The following PARP8 variants were observed in gnomAD, a reference collection of about 807,000 sequenced individuals.
PARP8 encodes the protein poly(ADP-ribose) polymerase family member 8, also known as protein mono-ADP-ribosyltransferase PARP8.
A neutral mutation model predicts 124.1 loss-of-function variants in PARP8; 51 were observed. That is an observed-to-expected ratio of 0.41 (90% CI 0.33 to 0.52). PARP8 has a LOEUF of 0.52. Ranked by LOEUF, PARP8 falls within the 20% of genes least tolerant of loss-of-function variation. The pLI, the probability that PARP8 is intolerant of heterozygous loss-of-function variation, is 0.21. For synonymous variants in PARP8, 391 were observed against 361.5 expected, an observed-to-expected ratio of 1.08 and a Z score of -0.93; for missense variants, 860 against 1,018.9, an observed-to-expected ratio of 0.84 and a Z score of 2.12.
intron 2 of PARP8, among the ~76,000 whole-genome samples, chr5:50,749,431 G>A (rs1338690329): frequency 1.3e-5 from 2 of 151,806 alleles, no homozygotes; most frequent in African/African-American, 2.4e-5. Flanking sequence ...CATGGGGCTT[G>A]CTATCTAGTT....
intron 10 of PARP8, 60 bp from the exon 11 acceptor site, chr5:50,794,147 A>G (rs1199442947): frequency 3.3e-6 from 5 of 1,537,270 alleles, no homozygotes; most frequent in Admixed American, 1.8e-5. Context: ...TAATAAATAC[A>G]GTAACATTAA....
chr5:50,749,406 C>T (rs907260268), intron 2 of PARP8, among the ~76,000 whole-genome samples: 10 of 151,662 alleles, frequency 6.6e-5, no homozygotes, highest in African/African-American at 9.7e-5. Context: ...TATAAATAGA[C>T]GTAGATCTTA....
At chr5:50,676,406 T>C (rs564290218) in intron 2 of PARP8, among the ~76,000 whole-genome samples, 1 of 152,368 alleles carries the variant, frequency 6.6e-6, no homozygotes, top group African/African-American at 2.4e-5. Context: ...TCTCTGGTTC[T>C]CTCACTCTCT....
chr5:50,691,784 C>A (rs1239388525), intron 2 of PARP8, among the ~76,000 whole-genome samples: 1 of 152,154 alleles, frequency 6.6e-6, no homozygotes, highest in African/African-American at 2.4e-5. Flanking sequence ...AACTCGTCAT[C>A]TACTCACCTT....
chr5:50,828,700 C>A (rs1287320036), intron 21 of PARP8, among the ~76,000 whole-genome samples: 1 of 151,240 alleles, frequency 6.6e-6, no homozygotes, highest in Non-Finnish European at 1.5e-5. Flanking sequence ...GCCAACATGG[C>A]AAAACCCTGT....
rs749148898 is a variant in PARP8 at position 50,763,141 on chromosome 5, T to C, written c.424-7T>C. 3.1e-6 allele frequency: 5 copies of C among 1,604,836 alleles called. No individual in the cohort carries two copies. Among genetic ancestry groups the C allele is most frequent in the Non-Finnish European group, 4.3e-6 (5 of 1,171,742 alleles). On this transcript the variant is annotated splice_polypyrimidine_tract_variant and splice_region_variant and intron_variant, in intron 6 of 25. Coordinates refer to ENST00000281631, the MANE Select transcript of PARP8 (RefSeq NM_024615.4). Reference sequence around the variant, plus strand: ...TGAGACACTTTTAAATTATCCCTTTTCATCAGGTGAACTATGATGGGGAAC... The same window carrying C: ...TGAGACACTTTTAAATTATCCCTTTCCATCAGGTGAACTATGATGGGGAAC...
rs1746532334 is a variant in PARP8 at position 50,828,007 on chromosome 5, T to A, written c.2041T>A (p.Ser681Thr). The A allele has an allele frequency of 6.2e-7, 1 of 1,613,830 alleles. No homozygotes were observed. ...LLLSSPPAKE[S>T]NFRAAKKLFG... ...TCTCAGCAGTCCACCAGCCAAAGAA[T>A]CCAATTTTAGAGCTGCTAAAAAACT... Residue 681 changes from serine to threonine, a missense_variant, in exon 20 of 26, where the codon TCC (serine) becomes ACC (threonine). Ser to Thr is a moderately conservative substitution (Grantham distance 58, BLOSUM62 1). Around this residue, in one of 2 missense-constraint regions of PARP8, gnomAD observed 343 missense variants for 474.7 expected, o/e 0.72. Coordinates refer to ENST00000281631, the MANE Select transcript of PARP8 (RefSeq NM_024615.4).
In PARP8 at chr5:50,794,942, T is replaced by G. The variant is rs768881067; in HGVS notation, c.953T>G (p.Leu318Arg). 1.2e-6 allele frequency: 2 copies of G among 1,614,226 alleles called. No homozygotes were observed. The highest frequency in any genetic ancestry group is 1.1e-5 in the South Asian group (1 of 91,086). ...QDGISKTHKL[L>R]RRTCSSTVKT... ...GGAATCTCCAAAACGCATAAGCTGC[T>G]GCGGAGGACTTGTTCCAGCACAGTC... Residue 318 changes from leucine (L) to arginine (R), a missense_variant, in exon 12 of 26, where the codon CTG becomes CGG. Transcript: ENST00000281631.
At position 50,831,356 on chromosome 5, in the gene PARP8, C is replaced by T. The variant is rs145397994; in HGVS notation, c.2233+1395C>T. Among the ~76,000 whole-genome samples the T allele has an allele frequency of 1.9e-3, 289 of 152,134 alleles. 1 individual carries two copies. Among genetic ancestry groups the T allele is most frequent in the African/African-American group, 6.6e-3 (272 of 41,496 alleles). On this transcript the variant is annotated intron_variant, in intron 22 of 25. Transcript: ENST00000281631. ...GCCCCTCAAAGTATCCACTGAATGCCGCTCAGCTGATGGATGGGCTGCGCT... is the reference window on the plus strand; with the variant it reads ...GCCCCTCAAAGTATCCACTGAATGCTGCTCAGCTGATGGATGGGCTGCGCT...
chr5:50,811,655 A>G (rs1244980563), intron 14 of PARP8, among the ~76,000 whole-genome samples: 2 of 151,914 alleles, frequency 1.3e-5, no homozygotes, highest in African/African-American at 2.4e-5. Flanking sequence ...TTTGTTACCT[A>G]TGTATACATG....
chr5:50,816,239 G>A (rs1745093022), intron 15 of PARP8, among the ~76,000 whole-genome samples: 1 of 152,052 alleles, frequency 6.6e-6, no homozygotes, highest in South Asian at 2.1e-4. Flanking sequence ...GTTAAAGTAG[G>A]TTTCAGCTCC....
Position 50,818,189 on chromosome 5 carries a change from CA to C in PARP8, c.1668+2673del, listed in dbSNP as rs1256286173. Among the ~76,000 whole-genome samples, 179 of 136,362 alleles carry C rather than the reference CA, an allele frequency of 1.3e-3. 2 individuals carry two copies. The highest frequency in any genetic ancestry group is 4.6e-3 in the African/African-American group (158 of 34,310). 89.5% of individuals were successfully genotyped at this position (136,362 alleles called of 152,430 possible). A position where few individuals can be genotyped will look rare whatever the true frequency, so the allele number is the denominator to read the frequency against. Reference sequence around the variant, plus strand: ...ATATATCATTTAGCCCCCCCCCCCCCAAAAAAAAGAAGTCATAGTTGTGTGC... The same window carrying C: ...ATATATCATTTAGCCCCCCCCCCCCCAAAAAAAGAAGTCATAGTTGTGTGC... On this transcript the variant is annotated intron_variant, in intron 15 of 25. Coordinates refer to ENST00000281631, the MANE Select transcript of PARP8 (RefSeq NM_024615.4).
At chr5:50,802,958 C>A (rs1348870459) in intron 14 of PARP8, among the ~76,000 whole-genome samples, 1 of 152,148 alleles carries the variant, frequency 6.6e-6, no homozygotes, top group Non-Finnish European at 1.5e-5. Context: ...CCATTTTAAT[C>A]TGAAGAACTC....
chr5:50,726,738 T>C (rs906058235), intron 2 of PARP8, among the ~76,000 whole-genome samples: 1 of 152,170 alleles, frequency 6.6e-6, no homozygotes, highest in Non-Finnish European at 1.5e-5. Flanking sequence ...AGGCTGGTCA[T>C]ATGCAAGTAC....
intron 2 of PARP8, among the ~76,000 whole-genome samples, chr5:50,733,896 G>A (rs1483159533): frequency 1.3e-5 from 2 of 151,988 alleles, no homozygotes; most frequent in South Asian, 2.1e-4. Flanking sequence ...TTTCTGGTAC[G>A]TTCTCAAATA....
chr5:50,825,967 T>C (rs1015586117), intron 18 of PARP8, among the ~76,000 whole-genome samples: 22 of 152,192 alleles, frequency 1.4e-4, no homozygotes, highest in Non-Finnish European at 2.4e-4. Context: ...GTATCTGTTA[T>C]GATCTGTTAC....
chr5:50,725,752 T>C (rs1260255134), intron 2 of PARP8, among the ~76,000 whole-genome samples: 1 of 152,190 alleles, frequency 6.6e-6, no homozygotes, highest in Non-Finnish European at 1.5e-5. Flanking sequence ...TTTAGTTAAA[T>C]TGCAATAGAA....
At chr5:50,675,914 G>C (rs1750579795) in intron 2 of PARP8, among the ~76,000 whole-genome samples, 1 of 152,086 alleles carries the variant, frequency 6.6e-6, no homozygotes, top group Non-Finnish European at 1.5e-5. Flanking sequence ...CAACTGCCTA[G>C]AATATAGTAA....
chr5:50,702,370 G>T (rs138316100), intron 2 of PARP8, among the ~76,000 whole-genome samples: 1 of 152,184 alleles, frequency 6.6e-6, no homozygotes, highest in African/African-American at 2.4e-5. Flanking sequence ...GGATAAATAT[G>T]TTTCTGTTTT....
Sources: gnomAD v4.1 joint callset for allele counts (sites outside exome capture counted in the v4.1 genomes callset) on GRCh38, gnomAD v4.1.1 for gene constraint, gnomAD v4.1.1 regional missense constraint, MANE v1.5 for transcripts, NCBI Gene and HGNC (gene_info 2026-07-23, HGNC 2026-07-21) for gene names.